Variants in NDST4 observed in about 807,000 individuals in gnomAD.
NDST4 encodes the protein N-deacetylase and N-sulfotransferase 4, also known as N-heparan sulfate sulfotransferase 4.
In NDST4, 63 loss-of-function variants were observed where a neutral mutation model predicts 100.8. The ratio of observed to expected loss-of-function variants is 0.62; its 90% confidence interval spans 0.51 to 0.77. The LOEUF is 0.77. Ranked by LOEUF, NDST4 falls within the 30% of genes least tolerant of loss-of-function variation. The pLI is 0.00. For synonymous variants in NDST4, 377 were observed against 361.8 expected, an observed-to-expected ratio of 1.04 and a Z score of -0.48; for missense variants, 943 against 1,018.4, an observed-to-expected ratio of 0.93 and a Z score of 1.01.
At chr4:114,969,677 T>C (rs1218494999) in intron 4 of NDST4, among the ~76,000 whole-genome samples, 4 of 152,344 alleles carry the variant, frequency 2.6e-5, no homozygotes, top group East Asian at 3.9e-4. Context: ...TAGTGTTCCA[T>C]GGTGTATATA....
At chr4:115,068,832 A>AG (rs1302439242) in intron 2 of NDST4, among the ~76,000 whole-genome samples, 2 of 149,426 alleles carry the variant, frequency 1.3e-5, no homozygotes, top group Non-Finnish European at 3.0e-5. Flanking sequence ...AAAAAAAAAA[A>AG]GAAAAGAAAA....
chr4:114,984,144 ATT>A, intron 2 of NDST4, among the ~76,000 whole-genome samples: 1 of 9,818 alleles, frequency 1.0e-4, no homozygotes, highest in South Asian at 1.8e-3. Context: ...AACTAATACT[ATT>A]TATTTATTTA....
At chr4:115,050,578 A>T (rs971142535) in intron 2 of NDST4, among the ~76,000 whole-genome samples, 1 of 152,128 alleles carries the variant, frequency 6.6e-6, no homozygotes, top group Non-Finnish European at 1.5e-5. Context: ...GATTTCAAAG[A>T]AGTAATAACT....
At chr4:115,075,146 G>T (rs536511) in intron 2 of NDST4, among the ~76,000 whole-genome samples, 23,824 of 152,018 alleles carry the variant, frequency 0.16, 2,279 homozygotes, top group East Asian at 0.46. Context: ...CCCAAATAAT[G>T]CAATGAATAA....
intron 1 of NDST4, among the ~76,000 whole-genome samples, chr4:115,084,298 A>G (rs538075941): frequency 1.4e-4 from 21 of 152,302 alleles, no homozygotes; most frequent in Admixed American, 3.3e-4. Flanking sequence ...AGAAATTTCT[A>G]AGTGGCAAAG....
At chr4:114,913,903 A>T (rs1054221178) in intron 6 of NDST4, among the ~76,000 whole-genome samples, 6 of 152,042 alleles carry the variant, frequency 3.9e-5, no homozygotes, top group African/African-American at 1.4e-4. Context: ...GATATGTTAA[A>T]AAGTGTTGGC....
At chr4:114,962,718 G>C (rs1726291136) in intron 4 of NDST4, among the ~76,000 whole-genome samples, 1 of 152,068 alleles carries the variant, frequency 6.6e-6, no homozygotes, top group Non-Finnish European at 1.5e-5. Context: ...CTTAATATTG[G>C]TAAGAGCTGT....
At chr4:115,096,180 GATAATGGATAGA>G in intron 1 of NDST4, among the ~76,000 whole-genome samples, 1 of 84,538 alleles carries the variant, frequency 1.2e-5, no homozygotes, top group Non-Finnish European at 2.4e-5. Context: ...TTGCAATTCT[GATAATGGATAGA>G]ACATTACTCA....
At position 115,014,597 on chromosome 4, in the gene NDST4, G is replaced by T. The variant is rs116827852; in HGVS notation, c.979-37323C>A. Among the ~76,000 whole-genome samples, 1,399 of 152,148 alleles carry T rather than the reference G, an allele frequency of 9.2e-3. 7 individuals carry two copies. The highest frequency in any genetic ancestry group is 0.015 in the Non-Finnish European group (1,014 of 67,964). ...AGGGTTCAGAACAGAAAAAGGCTCT[G>T]CAGTAAGTCCAGGCTACTGTGCAAG... On this transcript the variant is annotated intron_variant, in intron 2 of 13. Transcript: ENST00000264363.
intron 2 of NDST4, among the ~76,000 whole-genome samples, chr4:115,073,813 A>T (rs1188805818): frequency 6.6e-6 from 1 of 152,006 alleles, no homozygotes; most frequent in East Asian, 1.9e-4. Flanking sequence ...TCACCAAAAA[A>T]TGATAAGTAT....
intron 4 of NDST4, among the ~76,000 whole-genome samples, chr4:114,957,014 G>T (rs186644939): frequency 1.1e-3 from 172 of 152,172 alleles, no homozygotes; most frequent in South Asian, 2.1e-3. Flanking sequence ...TTTGTTCAAA[G>T]AACTAAAGCA....
chr4:114,861,449 G>C (rs966240253), intron 7 of NDST4, among the ~76,000 whole-genome samples: 1 of 152,028 alleles, frequency 6.6e-6, no homozygotes, highest in Non-Finnish European at 1.5e-5. Flanking sequence ...TTTTTGTCCA[G>C]ATTAGTTAGG....
intron 2 of NDST4, among the ~76,000 whole-genome samples, chr4:114,986,706 C>T (rs1012366249): frequency 6.7e-6 from 1 of 148,970 alleles, no homozygotes; most frequent in Non-Finnish European, 1.5e-5. Flanking sequence ...AAAATGTGAT[C>T]TCATTATGAC....
chr4:114,986,793 CATATATATATATATATATAT>C (rs59806494), intron 2 of NDST4, among the ~76,000 whole-genome samples: 33 of 91,140 alleles, frequency 3.6e-4, no homozygotes, highest in Non-Finnish European at 5.4e-4. Flanking sequence ...TCCAATTATA[CATATATATATATATATATAT>C]ATATATATAT....
chr4:114,938,990 G>T (rs2126226914), intron 4 of NDST4, among the ~76,000 whole-genome samples: 1 of 152,304 alleles, frequency 6.6e-6, no homozygotes, highest in South Asian at 2.1e-4. Flanking sequence ...CCTAGCACTT[G>T]TGTTTCCAAC....
chr4:115,078,059 C>G (rs1045339960), intron 1 of NDST4, among the ~76,000 whole-genome samples: 1 of 152,158 alleles, frequency 6.6e-6, no homozygotes, highest in Non-Finnish European at 1.5e-5. Context: ...TTCTCTATCA[C>G]TTCCTTTAGT....
chr4:114,958,710 T>A (rs1726195017), intron 4 of NDST4, among the ~76,000 whole-genome samples: 1 of 152,150 alleles, frequency 6.6e-6, no homozygotes, highest in Admixed American at 6.5e-5. Flanking sequence ...ACTGGAGACG[T>A]TTTCCCCATT....
chr4:114,994,153 T>A (rs540516741), intron 2 of NDST4, among the ~76,000 whole-genome samples: 1 of 152,110 alleles, frequency 6.6e-6, no homozygotes, highest in Admixed American at 6.6e-5. Context: ...CTCCGTGATC[T>A]TAGCAAGAAA....
At chr4:114,999,712 A>C (rs1013633534) in intron 2 of NDST4, among the ~76,000 whole-genome samples, 1 of 152,022 alleles carries the variant, frequency 6.6e-6, no homozygotes, top group Non-Finnish European at 1.5e-5. Context: ...AGAATTTTGA[A>C]CTTACTTCCT....
Sources: allele counts gnomAD v4.1 joint callset (sites outside exome capture counted in the v4.1 genomes callset), GRCh38; gene constraint gnomAD v4.1.1; transcripts MANE v1.5; gene names NCBI Gene and HGNC (gene_info 2026-07-23, HGNC 2026-07-21).